The following RGS5 variants were observed in gnomAD, a reference collection of about 807,000 sequenced individuals.
The protein encoded by RGS5 is regulator of G protein signaling 5.
RGS5 carries 20 observed loss-of-function variants against 18.9 expected under a neutral mutation model. The observed-to-expected ratio is 1.06, with a 90% confidence interval of 0.74 to 1.54. The LOEUF is 1.54. RGS5 is among the 40% of genes most tolerant of loss of function. The pLI, the probability that RGS5 is intolerant of heterozygous loss-of-function variation, is 0.00. For synonymous variants in RGS5, 57 were observed against 76.2 expected (o/e 0.75, Z 1.31); for missense variants, 201 against 211.8 (o/e 0.95, Z 0.32).
At chr1:163,192,325 A>C (rs1410375295) in intron 1 of RGS5, among the ~76,000 whole-genome samples, 1 of 152,102 alleles carries the variant, frequency 6.6e-6, no homozygotes, top group Non-Finnish European at 1.5e-5. Flanking sequence ...GTTGAATTGA[A>C]TTGTAGAACA....
chr1:163,212,612 C>T (rs907056703), intron 1 of RGS5: 16 of 152,260 alleles, frequency 1.1e-4, no homozygotes, highest in African/African-American at 3.9e-4. Context: ...TGACACACAG[C>T]ATCTTAGCTC....
chr1:163,296,821 G>A (rs1211896349), intron 2 of RGS5, among the ~76,000 whole-genome samples: 1 of 152,080 alleles, frequency 6.6e-6, no homozygotes, highest in Non-Finnish European at 1.5e-5. Context: ...AACAGAATAT[G>A]CCACCCTAAA....
At chr1:163,247,582 T>TTTTA (rs1553223593) in intron 2 of RGS5, among the ~76,000 whole-genome samples, 4 of 147,640 alleles carry the variant, frequency 2.7e-5, no homozygotes, top group African/African-American at 9.9e-5. Context: ...AGAAGTTGAT[T>TTTTA]TATATATATA....
At chr1:163,181,059 T>G (rs1658823581) in intron 1 of RGS5, among the ~76,000 whole-genome samples, 1 of 152,130 alleles carries the variant, frequency 6.6e-6, no homozygotes, top group Non-Finnish European at 1.5e-5. Context: ...TTTTCTCATA[T>G]ACATAAGATC....
At chr1:163,315,944 A>G (rs914292326) in intron 1 of RGS5, among the ~76,000 whole-genome samples, 1 of 152,154 alleles carries the variant, frequency 6.6e-6, no homozygotes. Flanking sequence ...AAAACTTTCA[A>G]ACTATGTAAG....
At chr1:163,163,908 G>A (rs889197297) in intron 2 of RGS5, among the ~76,000 whole-genome samples, 1 of 152,136 alleles carries the variant, frequency 6.6e-6, no homozygotes, top group African/African-American at 2.4e-5. Flanking sequence ...GTATAGAGGA[G>A]CAAAGGAAGA....
intron 2 of RGS5, among the ~76,000 whole-genome samples, chr1:163,226,860 A>C (rs1035521179): frequency 5.9e-5 from 9 of 152,246 alleles, no homozygotes; most frequent in Non-Finnish European, 5.9e-5. Flanking sequence ...GTACGCTTAA[A>C]GACCAAAAGT....
Position 163,217,483 on chromosome 1 carries a change from A to T in RGS5, c.69+43T>A, listed in dbSNP as rs139922277. ...TGCACAGTCTTTCCTGTAAATTATA[A>T]CATTAAAGAAAACCATTATTTAAGA... is the stretch of plus-strand genomic sequence containing the variant. On this transcript the variant is annotated intron_variant, in intron 1 of 5. Transcript: ENST00000367903. 1,282 of 1,486,568 alleles carry T rather than the reference A, an allele frequency of 8.6e-4. 7 individuals are homozygous for T. The highest frequency in any genetic ancestry group is 5.6e-3 in the South Asian group (410 of 73,420). The allele number at this position is 1,486,568 out of a possible 1,614,324, so 92.1% of individuals were successfully genotyped here.
In RGS5 at chr1:163,209,794, G is replaced by A. The variant is rs941810727; in HGVS notation, c.69+7732C>T. 4.6e-5 allele frequency among the ~76,000 whole-genome samples: 7 copies of A among 152,050 alleles called. 1 individual carries two copies. Among genetic ancestry groups the A allele is most frequent in the Admixed American group, 1.3e-4 (2 of 15,256 alleles). On this transcript the variant is annotated intron_variant, in intron 1 of 5. Coordinates refer to the RGS5 transcript ENST00000367903. ...GCTGTCATAGCTTCTGCAAGAAAGA[G>A]ATAGTTTTCTTTTTCTTTACCAAAT...
intron 2 of RGS5, among the ~76,000 whole-genome samples, chr1:163,225,638 T>C (rs1360706047): frequency 6.6e-6 from 1 of 152,094 alleles, no homozygotes; most frequent in African/African-American, 2.4e-5. Flanking sequence ...CTTATTATTA[T>C]GTAACTGCCA....
Position 163,143,871 on chromosome 1 carries a change from T to C in RGS5, c.*3471A>G, listed in dbSNP as rs941117222. The C allele has an allele frequency of 3.5e-4, 53 of 152,252 alleles. No homozygotes were observed. Among genetic ancestry groups the C allele is most frequent in the African/African-American group, 1.3e-3 (52 of 41,558 alleles). 9.4% of individuals were successfully genotyped at this position (152,252 alleles called of 1,614,324 possible). A position where few individuals can be genotyped will look rare whatever the true frequency, so the allele number is the denominator to read the frequency against. On this transcript the variant is annotated 3_prime_UTR_variant, in exon 5 of 5. Transcript: ENST00000313961. The stretch of plus-strand genomic sequence containing the variant: ...ATTAATTTATTTGTTAATGGCCCAG[T>C]TTTTATTGAAACTTTTGCATGTCTA...
upstream of RGS5, among the ~76,000 whole-genome samples, chr1:163,218,474 A>G (rs1660265793): frequency 6.6e-6 from 1 of 152,098 alleles, no homozygotes; most frequent in Non-Finnish European, 1.5e-5. Context: ...TTAAATATTA[A>G]TTTACATGAA....
intron 1 of RGS5, chr1:163,210,916 A>G (rs1660089143): frequency 1.3e-5 from 2 of 152,208 alleles, no homozygotes; most frequent in South Asian, 4.1e-4. Context: ...GAACCTGGTC[A>G]TATGTTGGTG....
intron 2 of RGS5, among the ~76,000 whole-genome samples, chr1:163,263,825 C>T (rs1258422335): frequency 6.6e-6 from 1 of 150,900 alleles, no homozygotes; most frequent in Non-Finnish European, 1.5e-5. Flanking sequence ...AGACCTGAAC[C>T]ATCCATTTTT....
chr1:163,207,782 T>C (rs530371958), upstream of RGS5, among the ~76,000 whole-genome samples: 104 of 152,126 alleles, frequency 6.8e-4, no homozygotes, highest in African/African-American at 2.4e-3. Flanking sequence ...ACCAATAAAA[T>C]TGGATAAACC....
At chr1:163,319,847 T>C (rs944007785) in intron 1 of RGS5, among the ~76,000 whole-genome samples, 1 of 152,160 alleles carries the variant, frequency 6.6e-6, no homozygotes, top group Non-Finnish European at 1.5e-5. Flanking sequence ...TTTTTATGGG[T>C]GATAACAAAA....
upstream of RGS5, among the ~76,000 whole-genome samples, chr1:163,218,736 G>A (rs1660271648): frequency 1.3e-5 from 2 of 152,204 alleles, no homozygotes; most frequent in Non-Finnish European, 2.9e-5. Context: ...GGTAAAATTA[G>A]TGAGAGAAAC....
intron 2 of RGS5, among the ~76,000 whole-genome samples, chr1:163,291,845 G>A (rs1022477904): frequency 1.6e-4 from 25 of 152,030 alleles, no homozygotes; most frequent in South Asian, 4.2e-4. Context: ...TTTCCTGAGC[G>A]GTGTGGCCAG....
At chr1:163,206,141 CT>C (rs1181017638), upstream of RGS5, among the ~76,000 whole-genome samples, 1 of 152,010 alleles carries the variant, frequency 6.6e-6, no homozygotes, top group Non-Finnish European at 1.5e-5. Flanking sequence ...GCTTCCCTGC[CT>C]TTTTTTATTT....
Sources: allele counts gnomAD v4.1 joint callset (sites outside exome capture counted in the v4.1 genomes callset), GRCh38; gene constraint gnomAD v4.1.1; transcripts MANE v1.5; gene names NCBI Gene and HGNC (gene_info 2026-07-23, HGNC 2026-07-21).